DCAF4: variants seen among roughly 807,000 people sequenced by gnomAD.
The protein encoded by DCAF4 is DDB1- and CUL4-associated factor 4.
In DCAF4, 37 loss-of-function variants were observed where a neutral mutation model predicts 60.9. That is an observed-to-expected ratio of 0.61 (90% CI 0.47 to 0.80). The LOEUF (loss-of-function observed/expected upper bound fraction) is 0.80, where lower values mean the gene tolerates loss of function less well. Ranked by LOEUF, DCAF4 falls within the 30% of genes least tolerant of loss-of-function variation. The probability of loss-of-function intolerance (pLI) is 0.00; values close to 1 mark genes in which losing one functional copy is unlikely to be tolerated. For synonymous variants in DCAF4, 243 were observed against 254.8 expected (o/e 0.95, Z 0.44); for missense variants, 577 against 650.0 (o/e 0.89, Z 1.22).
At chr14:72,931,145 A>C (rs1289327104) in intron 1 of DCAF4, among the ~76,000 whole-genome samples, 1 of 152,032 alleles carries the variant, frequency 6.6e-6, no homozygotes, top group African/African-American at 2.4e-5. Flanking sequence ...AAAAAATGGC[A>C]TTTGGAATTT....
intron 9 of DCAF4, among the ~76,000 whole-genome samples, chr14:72,953,513 C>T (rs1891715781): frequency 6.6e-6 from 1 of 150,856 alleles, no homozygotes; most frequent in Non-Finnish European, 1.5e-5. Flanking sequence ...AGTTCAAGAC[C>T]AGCCTGAGCA....
chr14:72,955,589 C>G lies in DCAF4; in HGVS notation c.1072C>G (p.Gln358Glu), dbSNP rs1458572386. Residue 358 changes from glutamine (Q) to glutamate (E), a missense_variant, in exon 12 of 14, where the codon CAA (glutamine) becomes GAA (glutamate). Physicochemically the swap from Gln to Glu is conservative, Grantham distance 29. Transcript: ENST00000358377. ...IFAIDLRCGN[Q>E]GKGWKATRLF... ...TGCCATTGATCTGCGTTGTGGAAAT[C>G]AAGGCAAGGGATGGAAGGCCACCCG... The G allele has an allele frequency of 1.9e-6, 3 of 1,614,158 alleles. No homozygotes were observed. Among genetic ancestry groups the G allele is most frequent in the Non-Finnish European group, 2.5e-6 (3 of 1,180,018 alleles).
intron 1 of DCAF4, chr14:72,929,921 G>A (rs1411581799): frequency 4.5e-5 from 53 of 1,182,284 alleles, no homozygotes; most frequent in Non-Finnish European, 5.2e-5. Context: ...ATAAGGTAGC[G>A]CAGAGCCATG....
chr14:72,929,093 C>A (rs1888137777), intron 1 of DCAF4, among the ~76,000 whole-genome samples: 1 of 152,190 alleles, frequency 6.6e-6, no homozygotes, highest in East Asian at 1.9e-4. Context: ...CGGGGCTGCT[C>A]CCTACTGGGT....
In DCAF4 at chr14:72,947,068, C is replaced by A; in HGVS notation, c.679-74C>A. The stretch of plus-strand genomic sequence containing the variant: ...GAAGAGAGAAGTCACACGTCTGTGT[C>A]CCCACATGTTATTCCACAGGAAAGC... On this transcript the variant is annotated intron_variant, in intron 7 of 13. Coordinates refer to ENST00000358377, the MANE Select transcript of DCAF4 (RefSeq NM_015604.4). 5 of 1,583,668 alleles carry A rather than the reference C, an allele frequency of 3.2e-6. No individual in the cohort carries two copies. The South Asian group carries it at 5.5e-5, about 18-fold the overall frequency.
At chr14:72,940,989 G>A (rs1406576198) in intron 4 of DCAF4, among the ~76,000 whole-genome samples, 2 of 145,644 alleles carry the variant, frequency 1.4e-5, no homozygotes, top group Non-Finnish European at 3.0e-5. Context: ...TTTGAGACAG[G>A]GTCCCACTCT....
At chr14:72,951,690 G>T (rs1356468356) in intron 8 of DCAF4, 108 bp from the exon 9 acceptor site, 2 of 947,504 alleles carry the variant, frequency 2.1e-6, no homozygotes, top group Non-Finnish European at 1.7e-6. Context: ...GACGGTGGGG[G>T]TTACTCTGGC....
chr14:72,937,971 G>T lies in DCAF4; in HGVS notation c.-8G>T. 1 of 1,592,116 alleles carries T rather than the reference G, an allele frequency of 6.3e-7. No homozygotes were observed. The highest frequency in any genetic ancestry group is 8.5e-7 in the Non-Finnish European group (1 of 1,173,794). On this transcript the variant is annotated splice_region_variant and 5_prime_UTR_variant, in exon 2 of 14. Transcript: ENST00000358377. ...GGATTTTTTTGTTTTTCTCTTTTAG[G>T]AACAGAAATGAATAAAAGTCGCTGG...
chr14:72,931,411 T>C (rs1186496508), intron 1 of DCAF4, among the ~76,000 whole-genome samples: 1 of 152,190 alleles, frequency 6.6e-6, no homozygotes. Flanking sequence ...GGTTTTTCTA[T>C]ATTGATCTTG....
chr14:72,945,574 GC>G (rs1890627546), intron 6 of DCAF4, among the ~76,000 whole-genome samples: 1 of 151,950 alleles, frequency 6.6e-6, no homozygotes, highest in African/African-American at 2.4e-5. Flanking sequence ...CTGGGTGGAT[GC>G]TAGGGCTCTC....
chr14:72,953,189 T>A (rs1290267019), intron 9 of DCAF4, among the ~76,000 whole-genome samples: 1 of 147,998 alleles, frequency 6.8e-6, no homozygotes, highest in Non-Finnish European at 1.5e-5. Context: ...TTAGTAGAGA[T>A]GGGATTCTCC....
In DCAF4 at chr14:72,959,631, A is replaced by G; in HGVS notation, c.*826A>G. On this transcript the variant is annotated 3_prime_UTR_variant, in exon 14 of 14. Coordinates refer to ENST00000358377, the MANE Select transcript of DCAF4 (RefSeq NM_015604.4). The stretch of plus-strand genomic sequence containing the variant: ...AGAGCCTGTTTTTCTACCAAACAAT[A>G]AAACCAAGAGAAGAATCATGGTGTG... The G allele has an allele frequency of 1.0e-6, 1 of 985,464 alleles. No individual in the cohort carries two copies. The highest frequency in any genetic ancestry group is 1.2e-6 in the Non-Finnish European group (1 of 829,932). 61.0% of individuals were successfully genotyped at this position (985,464 alleles called of 1,614,324 possible).
intron 8 of DCAF4, among the ~76,000 whole-genome samples, chr14:72,949,619 G>T (rs990030198): frequency 6.6e-6 from 1 of 152,062 alleles, no homozygotes; most frequent in African/African-American, 2.4e-5. Flanking sequence ...GCCAGGTGTG[G>T]TGGCACGCAC....
At chr14:72,940,142 G>C (rs2140232063) in intron 3 of DCAF4, 78 bp from the exon 4 acceptor site, 1 of 1,566,156 alleles carries the variant, frequency 6.4e-7, no homozygotes. Context: ...GAGGTGGGGG[G>C]ACAGGCCACT....
At chr14:72,962,062 C>A, downstream of DCAF4, 1 of 1,035,320 alleles carries the variant, frequency 9.7e-7, no homozygotes, top group Non-Finnish European at 1.2e-6. Context: ...GGTGAACTCT[C>A]AATGTTATTT....
chr14:72,930,105 A>G (rs1237343266), intron 1 of DCAF4, among the ~76,000 whole-genome samples: 1 of 152,224 alleles, frequency 6.6e-6, no homozygotes, highest in African/African-American at 2.4e-5. Context: ...CACTTCAGCC[A>G]AAAGGGGGGT....
downstream of DCAF4, chr14:72,962,066 G>A (rs1240959209): frequency 1.9e-6 from 2 of 1,029,330 alleles, no homozygotes; most frequent in African/African-American, 3.4e-5. Flanking sequence ...AACTCTCAAT[G>A]TTATTTTACA....
intron 8 of DCAF4, among the ~76,000 whole-genome samples, chr14:72,949,431 G>C (rs1891135127): frequency 6.6e-6 from 1 of 152,168 alleles, no homozygotes; most frequent in Non-Finnish European, 1.5e-5. Context: ...ACTCCAGCCT[G>C]GGTGAAAGAG....
At position 72,953,780 on chromosome 14, in the gene DCAF4, ATTTGTGTG is replaced by A. The variant is rs1474842166; in HGVS notation, c.809-382_809-375del. On this transcript the variant is annotated intron_variant, in intron 9 of 13. Coordinates refer to ENST00000358377, the MANE Select transcript of DCAF4 (RefSeq NM_015604.4). ...ATATATATAGTTTATTTATTTATTT[ATTTGTGTG>A]TGTGTGTGTGTGTGTGTGTGTGTGT... Among the ~76,000 whole-genome samples the A allele has an allele frequency of 1.9e-3, 26 of 13,368 alleles. 2 individuals are homozygous for A. The highest frequency in any genetic ancestry group is 5.0e-3 in the African/African-American group (25 of 5,042). The allele number at this position is 13,368 out of a possible 152,430, so 8.8% of individuals were successfully genotyped here. A position where few individuals can be genotyped will look rare whatever the true frequency, so the allele number is the denominator to read the frequency against.
Sources: allele counts gnomAD v4.1 joint callset (sites outside exome capture counted in the v4.1 genomes callset), GRCh38; gene constraint gnomAD v4.1.1; transcripts MANE v1.5; gene names NCBI Gene and HGNC (gene_info 2026-07-23, HGNC 2026-07-21).